The following SEMA6D variants were observed in gnomAD, a reference collection of about 807,000 sequenced individuals.
SEMA6D encodes semaphorin-6D.
Under a neutral mutation model 106.6 loss-of-function variants are expected in SEMA6D, and 35 were observed. The ratio of observed to expected loss-of-function variants is 0.33; its 90% CI spans 0.25 to 0.44. The LOEUF (loss-of-function observed/expected upper bound fraction) is 0.44, where lower values mean the gene tolerates loss of function less well. Ranked by LOEUF, SEMA6D falls within the 20% of genes least tolerant of loss-of-function variation. SEMA6D has a pLI of 1.00. For missense variants in SEMA6D, 1,185 were observed against 1,345.9 expected, an observed-to-expected ratio of 0.88 and a Z score of 1.87; for synonymous variants, 499 against 487.7, an observed-to-expected ratio of 1.02 and a Z score of -0.31.
intron 1 of SEMA6D, among the ~76,000 whole-genome samples, chr15:47,384,013 A>T (rs1177911603): frequency 6.6e-6 from 1 of 152,184 alleles, no homozygotes; most frequent in Non-Finnish European, 1.5e-5. Context: ...GGGCTCCGTT[A>T]TTGCTTATAC....
intron 1 of SEMA6D, among the ~76,000 whole-genome samples, chr15:47,343,248 TTTATTATTA>T (rs10637657): frequency 1.4e-5 from 2 of 146,148 alleles, no homozygotes; most frequent in South Asian, 2.1e-4. Flanking sequence ...TAGTTGGATT[TTTATTATTA>T]TTATTATTAT....
At chr15:47,631,739 A>G (rs12164929) in intron 4 of SEMA6D, among the ~76,000 whole-genome samples, 2,636 of 152,006 alleles carry the variant, frequency 0.017, 79 homozygotes, top group African/African-American at 0.06. Context: ...GCCCAGTGAA[A>G]CTCATTTCAG....
intron 1 of SEMA6D, among the ~76,000 whole-genome samples, chr15:47,750,489 C>T (rs959230321): frequency 6.6e-6 from 1 of 152,156 alleles, no homozygotes; most frequent in Non-Finnish European, 1.5e-5. Context: ...TCTCTTGCTG[C>T]CAGTGTCGGT....
chr15:47,254,817 C>T (rs1036843598), intron 1 of SEMA6D, among the ~76,000 whole-genome samples: 1 of 147,992 alleles, frequency 6.8e-6, no homozygotes, highest in East Asian at 2.0e-4. Context: ...ATTTGATTTG[C>T]TAGTATTTTG....
chr15:47,409,769 A>G (rs2040721290), intron 1 of SEMA6D, among the ~76,000 whole-genome samples: 1 of 152,120 alleles, frequency 6.6e-6, no homozygotes, highest in Admixed American at 6.6e-5. Context: ...AAAGGCTCTT[A>G]ATCTGTTGAG....
chr15:47,675,614 G>A (rs2078228542), intron 4 of SEMA6D, among the ~76,000 whole-genome samples: 1 of 152,120 alleles, frequency 6.6e-6, no homozygotes, highest in South Asian at 2.1e-4. Flanking sequence ...TCCCTAAGAG[G>A]CATTGATATC....
At chr15:47,494,046 C>T (rs1167549350) in intron 3 of SEMA6D, among the ~76,000 whole-genome samples, 2 of 152,094 alleles carry the variant, frequency 1.3e-5, no homozygotes, top group Non-Finnish European at 2.9e-5. Context: ...TCTTCAAAGT[C>T]GGTTCCATTC....
chr15:47,547,270 C>T (rs2045552556), intron 3 of SEMA6D, among the ~76,000 whole-genome samples: 1 of 151,926 alleles, frequency 6.6e-6, no homozygotes, highest in Non-Finnish European at 1.5e-5. Context: ...ATCTTCATAC[C>T]ACATAAGCAC....
intron 3 of SEMA6D, among the ~76,000 whole-genome samples, chr15:47,532,779 A>G (rs2045017456): frequency 6.6e-6 from 1 of 152,194 alleles, no homozygotes; most frequent in South Asian, 2.1e-4. Flanking sequence ...TTTCATTGAA[A>G]TCTTTCATTT....
intron 4 of SEMA6D, among the ~76,000 whole-genome samples, chr15:47,641,546 C>T (rs1046655556): frequency 1.3e-5 from 2 of 152,168 alleles, no homozygotes; most frequent in Non-Finnish European, 2.9e-5. Flanking sequence ...TGGATCCAGG[C>T]TAACTGGGCT....
chr15:47,494,047 G>A (rs918934301), intron 3 of SEMA6D, among the ~76,000 whole-genome samples: 5 of 152,056 alleles, frequency 3.3e-5, no homozygotes, highest in Non-Finnish European at 4.4e-5. Context: ...CTTCAAAGTC[G>A]GTTCCATTCC....
At chr15:47,754,287 A>T (rs950020646) in intron 1 of SEMA6D, among the ~76,000 whole-genome samples, 1 of 152,226 alleles carries the variant, frequency 6.6e-6, no homozygotes, top group African/African-American at 2.4e-5. Flanking sequence ...CCTTCCCTAT[A>T]AATTCCCCTG....
intron 1 of SEMA6D, among the ~76,000 whole-genome samples, chr15:47,383,786 G>A (rs939483496): frequency 1.3e-5 from 2 of 152,108 alleles, no homozygotes; most frequent in Admixed American, 6.5e-5. Flanking sequence ...GAATAAGACT[G>A]GCACTCAGAC....
At chr15:47,580,724 C>T (rs975359615) in intron 3 of SEMA6D, among the ~76,000 whole-genome samples, 1 of 152,168 alleles carries the variant, frequency 6.6e-6, no homozygotes, top group Non-Finnish European at 1.5e-5. Flanking sequence ...AACAGAATTT[C>T]CCTGATCTTA....
intron 1 of SEMA6D, among the ~76,000 whole-genome samples, chr15:47,287,870 G>A (rs1359068155): frequency 1.3e-5 from 2 of 152,158 alleles, no homozygotes; most frequent in Non-Finnish European, 2.9e-5. Context: ...GGCTCTGCAT[G>A]CTTTACAGGA....
intron 1 of SEMA6D, among the ~76,000 whole-genome samples, chr15:47,330,911 C>T (rs140083713): frequency 1.3e-5 from 2 of 152,248 alleles, no homozygotes; most frequent in Non-Finnish European, 2.9e-5. Flanking sequence ...ATCAAGAATG[C>T]ATACCTGCTT....
intron 3 of SEMA6D, among the ~76,000 whole-genome samples, chr15:47,504,768 G>A (rs2043980766): frequency 6.6e-6 from 1 of 152,088 alleles, no homozygotes; most frequent in Admixed American, 6.6e-5. Flanking sequence ...TTCTCAGACA[G>A]GCAGCCTGGA....
chr15:47,487,824 T>C (rs937651963), intron 3 of SEMA6D, among the ~76,000 whole-genome samples: 3 of 152,260 alleles, frequency 2.0e-5, no homozygotes, highest in African/African-American at 7.2e-5. Context: ...TTATCTAGTC[T>C]GTGTTGCTTA....
chr15:47,634,998 C>T (rs144932673), intron 4 of SEMA6D, among the ~76,000 whole-genome samples: 4 of 152,100 alleles, frequency 2.6e-5, no homozygotes, highest in African/African-American at 4.8e-5. Flanking sequence ...TTTTTTGGAG[C>T]TTTTCAGTCA....
Sources: allele counts gnomAD v4.1 joint callset (sites outside exome capture counted in the v4.1 genomes callset), GRCh38; gene constraint gnomAD v4.1.1; transcripts MANE v1.5; gene names NCBI Gene and HGNC (gene_info 2026-07-23, HGNC 2026-07-21).